SORL1: variants seen among roughly 807,000 people sequenced by gnomAD.
The protein encoded by SORL1 is sortilin-related receptor.
SORL1 carries 127 observed loss-of-function variants against 273.7 expected under a neutral mutation model. That is an observed-to-expected ratio of 0.46 (90% CI 0.40 to 0.54). The LOEUF is 0.54. Ranked by LOEUF, SORL1 falls within the 20% of genes least tolerant of loss-of-function variation. SORL1 has a pLI of 0.00. For missense variants in SORL1, 2,494 were observed against 2,846.1 expected (o/e 0.88, Z 2.81); for synonymous variants, 1,031 against 1,067.4 (o/e 0.97, Z 0.66).
At chr11:121,499,468 A>G (rs1861679144) in intron 6 of SORL1, among the ~76,000 whole-genome samples, 1 of 152,192 alleles carries the variant, frequency 6.6e-6, no homozygotes, top group South Asian at 2.1e-4. Context: ...AGATCATCCC[A>G]AGGTTGTCTA....
chr11:121,619,527 T>G (rs1309174438), intron 42 of SORL1, among the ~76,000 whole-genome samples: 1 of 152,208 alleles, frequency 6.6e-6, no homozygotes, highest in Non-Finnish European at 1.5e-5. Flanking sequence ...ATACATATCC[T>G]TCCTTATATA....
At chr11:121,606,652 G>T (rs2134925454) in intron 35 of SORL1, among the ~76,000 whole-genome samples, 193 bp from the exon 36 acceptor site, 1 of 152,318 alleles carries the variant, frequency 6.6e-6, no homozygotes, top group South Asian at 2.1e-4. Flanking sequence ...GTGATGTGTG[G>T]ACGGCACACC....
intron 6 of SORL1, among the ~76,000 whole-genome samples, chr11:121,500,929 A>C: frequency 6.6e-6 from 1 of 152,176 alleles, no homozygotes. Context: ...CCAATTTTCA[A>C]CCTTAAGCTA....
intron 16 of SORL1, among the ~76,000 whole-genome samples, chr11:121,551,606 T>C (rs1862507438): frequency 6.6e-6 from 1 of 152,250 alleles, no homozygotes; most frequent in African/African-American, 2.4e-5. Context: ...GGTAAATGGC[T>C]GGAGTTAACT....
intron 1 of SORL1, among the ~76,000 whole-genome samples, chr11:121,458,394 G>A (rs1425510505): frequency 2.0e-5 from 3 of 152,126 alleles, no homozygotes; most frequent in Non-Finnish European, 4.4e-5. Context: ...AAACCTGGGG[G>A]CATTACATTG....
At chr11:121,592,950 T>C (rs1310020567) in intron 31 of SORL1, among the ~76,000 whole-genome samples, 3 of 152,234 alleles carry the variant, frequency 2.0e-5, no homozygotes, top group Non-Finnish European at 2.9e-5. Flanking sequence ...TTGTACTTTC[T>C]TTTTTGTGCG....
intron 40 of SORL1, among the ~76,000 whole-genome samples, chr11:121,613,551 T>C (rs1863598027): frequency 6.6e-6 from 1 of 152,178 alleles, no homozygotes; most frequent in Non-Finnish European, 1.5e-5. Flanking sequence ...CTTTTTTTTT[T>C]TAACTGAAAG....
chr11:121,522,527 A>C, intron 9 of SORL1, 59 bp from the exon 10 acceptor site: 1 of 1,296,900 alleles, frequency 7.7e-7, no homozygotes, highest in East Asian at 2.3e-5. Context: ...CGCAGGGTTT[A>C]CAGGGAACGC....
At chr11:121,610,579 G>T in intron 38 of SORL1, 1 of 155,626 alleles carries the variant, frequency 6.4e-6, no homozygotes, top group Non-Finnish European at 1.4e-5. Context: ...ACTTGCCTAG[G>T]TTACACAGAT....
In SORL1 at chr11:121,604,195, A is replaced by T. The variant is rs1863433038; in HGVS notation, c.4522A>T (p.Thr1508Ser). 3 of 1,614,080 alleles carry T rather than the reference A, an allele frequency of 1.9e-6. No homozygotes were observed. Among genetic ancestry groups the T allele is most frequent in the Non-Finnish European group, 2.5e-6 (3 of 1,180,014 alleles). ...TAAGAAGCCTCTCTGTGTTTCAGCC[A>T]CACACAGCACCTTGACTTGCATGAG... ...QDGRDEANCP[T>S]HSTLTCMSRE... Residue 1508 changes from threonine to serine, a missense_variant and splice_region_variant, in exon 33 of 48, where the codon ACA (threonine) becomes TCA (serine). Coordinates refer to ENST00000260197, the MANE Select transcript of SORL1 (RefSeq NM_003105.6).
At chr11:121,510,261 TG>T (rs1284711934) in intron 6 of SORL1, among the ~76,000 whole-genome samples, 2 of 152,240 alleles carry the variant, frequency 1.3e-5, no homozygotes, top group African/African-American at 2.4e-5. Context: ...AAATTGCCTC[TG>T]TCAGTTTAGA....
chr11:121,558,924 A>G, intron 20 of SORL1, 87 bp downstream of exon 20: 1 of 1,527,872 alleles, frequency 6.5e-7, no homozygotes, highest in African/African-American at 1.4e-5. Context: ...GGCTTTGCAG[A>G]GAAGCTGTTT....
chr11:121,504,010 C>T (rs1201485692), intron 6 of SORL1, among the ~76,000 whole-genome samples: 2 of 152,214 alleles, frequency 1.3e-5, no homozygotes, highest in East Asian at 3.8e-4. Context: ...TATATCATGC[C>T]TTCCAATGCA....
chr11:121,616,166 A>G (rs1246372264), intron 41 of SORL1, among the ~76,000 whole-genome samples: 3 of 152,126 alleles, frequency 2.0e-5, no homozygotes, highest in Non-Finnish European at 2.9e-5. Context: ...ATCACCCCCA[A>G]CTATCTCTCC....
chr11:121,576,800 C>A, intron 24 of SORL1: 1 of 1,515,252 alleles, frequency 6.6e-7, no homozygotes. Flanking sequence ...TTTGGGAGCT[C>A]AGCACTGATT....
intron 14 of SORL1, among the ~76,000 whole-genome samples, chr11:121,548,737 T>C (rs1862467760): frequency 6.6e-6 from 1 of 152,074 alleles, no homozygotes; most frequent in African/African-American, 2.4e-5. Context: ...CAACTGATTT[T>C]TGTATTTTTA....
At chr11:121,496,248 A>G (rs901717602) in intron 5 of SORL1, among the ~76,000 whole-genome samples, 1 of 152,260 alleles carries the variant, frequency 6.6e-6, no homozygotes, top group Non-Finnish European at 1.5e-5. Flanking sequence ...TTGCAAAAGC[A>G]CAGTGGGAGA....
rs757133968 is a variant in SORL1 at position 121,595,582 on chromosome 11, C to T, written c.4370-41C>T. 1 of 1,530,034 alleles carries T rather than the reference C, an allele frequency of 6.5e-7. No homozygotes were observed. The highest frequency in any genetic ancestry group is 1.2e-5 in the South Asian group (1 of 83,426). 94.8% of individuals were successfully genotyped at this position (1,530,034 alleles called of 1,614,324 possible). A position where few individuals can be genotyped will look rare whatever the true frequency, so the allele number is the denominator to read the frequency against. On this transcript the variant is annotated intron_variant, in intron 31 of 47. Coordinates refer to ENST00000260197, the MANE Select transcript of SORL1 (RefSeq NM_003105.6). This position sits in a 1 kb window ranked among gnomAD's most constrained non-coding sequence, Gnocchi z 5.1. ...TTGGTTGCTGTTATTGGCCAGCTCC[C>T]TCAATATTAAAAAGTAAATTTTAAA...
At chr11:121,484,026 C>T (rs533178232) in intron 3 of SORL1, among the ~76,000 whole-genome samples, 9 of 152,108 alleles carry the variant, frequency 5.9e-5, no homozygotes, top group Admixed American at 3.3e-4. Context: ...TGCAGGACAG[C>T]GAGGAGATTC....
Sources: gnomAD v4.1 joint callset for allele counts (sites outside exome capture counted in the v4.1 genomes callset) on GRCh38, gnomAD v4.1.1 for gene constraint, Gnocchi (gnomAD v3.1) non-coding constraint, MANE v1.5 for transcripts, NCBI Gene and HGNC (gene_info 2026-07-23, HGNC 2026-07-21) for gene names.